DCUN1D5: variants seen among roughly 807,000 people sequenced by gnomAD.
DCUN1D5 encodes DCN1-like protein 5.
In DCUN1D5, 10 loss-of-function variants were observed where a neutral mutation model predicts 38.3. The ratio of observed to expected loss-of-function variants is 0.26; its 90% CI spans 0.16 to 0.44. The LOEUF (loss-of-function observed/expected upper bound fraction) is 0.44. Ranked by LOEUF, DCUN1D5 falls within the 20% of genes least tolerant of loss-of-function variation. The pLI, the probability that DCUN1D5 is intolerant of heterozygous loss-of-function variation, is 1.00. For missense variants in DCUN1D5, 148 were observed against 275.3 expected (o/e 0.54, Z 3.27); for synonymous variants, 93 against 90.9 (o/e 1.02, Z -0.13).
intron 4 of DCUN1D5, among the ~76,000 whole-genome samples, chr11:103,079,515 G>C (rs1342457726): frequency 6.6e-6 from 1 of 152,174 alleles, no homozygotes; most frequent in Non-Finnish European, 1.5e-5. Context: ...AGGATCACTT[G>C]AGCCCAGGAG....
chr11:103,062,458 T>C lies in DCUN1D5; in HGVS notation c.659-44A>G. On this transcript the variant is annotated intron_variant, in intron 7 of 7. Transcript: ENST00000260247. The surrounding 1 kb of genome is among the most constrained non-coding windows in gnomAD (Gnocchi z 4.6). ...TTTTTGTCAGAATTCAGTGAACTCA[T>C]CTCTCCAATTATAAAACAAACTCCC... 4 of 1,555,930 alleles carry C rather than the reference T, an allele frequency of 2.6e-6. No individual in the cohort carries two copies. The highest frequency in any genetic ancestry group is 3.5e-6 in the Non-Finnish European group (4 of 1,131,722).
In DCUN1D5 at chr11:103,077,146, GC is replaced by G. The variant is rs1171529440; in HGVS notation, c.341+5601del. ...ACCCGGGAGGCGGAGCTTGCAGTGA[GC>G]CGAGATCGCGCCACTGCACTCCAGC... On this transcript the variant is annotated intron_variant, in intron 4 of 7. Transcript: ENST00000260247. This position sits in a 1 kb window ranked among gnomAD's most constrained non-coding sequence, Gnocchi z 4.3. 6.6e-6 allele frequency among the ~76,000 whole-genome samples: 1 copy of G among 152,094 alleles called. No individual in the cohort carries two copies. Among genetic ancestry groups the G allele is most frequent in the African/African-American group, 2.4e-5 (1 of 41,414 alleles).
At chr11:103,085,605 C>T (rs537675927) in intron 2 of DCUN1D5, among the ~76,000 whole-genome samples, 4 of 152,098 alleles carry the variant, frequency 2.6e-5, no homozygotes, top group Non-Finnish European at 5.9e-5. Flanking sequence ...CTGACTTTGC[C>T]AAAGTGATGT....
chr11:103,088,972 T>TCTGG (rs1455369945), intron 2 of DCUN1D5, among the ~76,000 whole-genome samples: 1 of 77,654 alleles, frequency 1.3e-5, no homozygotes, highest in Non-Finnish European at 2.5e-5. Flanking sequence ...AATAAATGAA[T>TCTGG]CTTTGTTTAC....
rs1861794283 is a variant in DCUN1D5 at position 103,053,373 on chromosome 11, G to C, written c.*8986C>G. On this transcript the variant is annotated 3_prime_UTR_variant, in exon 8 of 8. Coordinates refer to ENST00000260247, the MANE Select transcript of DCUN1D5 (RefSeq NM_032299.4). This position sits in a 1 kb window ranked among gnomAD's most constrained non-coding sequence, Gnocchi z 4.8. ...TTGACATTACAGATTAATTTCCTAAGAGATTTGCATTTCTAAATATGTCTA... is the reference window on the plus strand; with the variant it reads ...TTGACATTACAGATTAATTTCCTAACAGATTTGCATTTCTAAATATGTCTA... 6.6e-6 allele frequency: 1 copy of C among 151,950 alleles called. No homozygotes were observed. 9.4% of individuals were successfully genotyped at this position (151,950 alleles called of 1,614,324 possible). A position where few individuals can be genotyped will look rare whatever the true frequency, so the allele number is the denominator to read the frequency against.
intron 4 of DCUN1D5, among the ~76,000 whole-genome samples, chr11:103,074,453 G>A (rs1862358339): frequency 6.6e-6 from 1 of 152,130 alleles, no homozygotes; most frequent in South Asian, 2.1e-4. Flanking sequence ...TCTGTCCCCA[G>A]GCTGGAGTGC....
rs1426485270 is a variant in DCUN1D5 at position 103,087,356 on chromosome 11, G to A, written c.178+1871C>T. On this transcript the variant is annotated intron_variant, in intron 2 of 7. Transcript: ENST00000260247. This position sits in a 1 kb window ranked among gnomAD's most constrained non-coding sequence, Gnocchi z 4.1. ...CGGCTAATTGTTTGTGTTTTTGGTA[G>A]AGAGAGTGTTTCACCATGTTAACCA... Among the ~76,000 whole-genome samples the A allele has an allele frequency of 6.6e-6, 1 of 151,918 alleles. No individual in the cohort carries two copies. The highest frequency in any genetic ancestry group is 1.5e-5 in the Non-Finnish European group (1 of 67,966).
rs540080107 is a variant in DCUN1D5 at position 103,063,863 on chromosome 11, T to C, written c.658+412A>G. 9.2e-5 allele frequency among the ~76,000 whole-genome samples: 14 copies of C among 152,296 alleles called. No individual in the cohort carries two copies. The East Asian group carries it at 2.7e-3, about 29-fold the overall frequency. ...GAAGTTATACTGACATTATTTGCCA[T>C]ATTGTTAATGGGTAGCATAATATTA... On this transcript the variant is annotated intron_variant, in intron 7 of 7. Transcript: ENST00000260247. This position sits in a 1 kb window ranked among gnomAD's most constrained non-coding sequence, Gnocchi z 4.6.
At position 103,091,963 on chromosome 11, in the gene DCUN1D5, G is replaced by A; in HGVS notation, c.-91C>T. On this transcript the variant is annotated 5_prime_UTR_variant, in exon 1 of 8. Coordinates refer to ENST00000260247, the MANE Select transcript of DCUN1D5 (RefSeq NM_032299.4). The surrounding 1 kb of genome is among the most constrained non-coding windows in gnomAD (Gnocchi z 4.3). ...CCTCAGCGCTGGCACCCAGTTCCCA[G>A]AGACAGCAGCAAGCGGAGGAGCAGA... The A allele has an allele frequency of 8.0e-7, 1 of 1,250,264 alleles. No homozygotes were observed. Among genetic ancestry groups the A allele is most frequent in the Non-Finnish European group, 1.1e-6 (1 of 907,390 alleles). 77.4% of individuals were successfully genotyped at this position (1,250,264 alleles called of 1,614,324 possible). A position where few individuals can be genotyped will look rare whatever the true frequency, so the allele number is the denominator to read the frequency against.
In DCUN1D5 at chr11:103,082,803, C is replaced by G; in HGVS notation, c.286G>C (p.Glu96Gln). 1 of 1,613,106 alleles carries G rather than the reference C, an allele frequency of 6.2e-7. No individual in the cohort carries two copies. The highest frequency in any genetic ancestry group is 2.2e-5 in the East Asian group (1 of 44,756). The change falls in exon 4 of 8, where the codon GAA becomes CAA. Residue 96 changes from glutamate to glutamine, a missense_variant. Physicochemically the swap from Glu to Gln is conservative, Grantham distance 29. Transcript: ENST00000260247. Reference protein sequence around the residue: ...MLVLAWKLEAESMGFFTKEEW... With the variant: ...MLVLAWKLEAQSMGFFTKEEW... ...TCCTTGGTAAAAAATCCCATGCTTTCAGCCTCCAATTTCCACGCTAAAACT... is the reference window on the plus strand; with the variant it reads ...TCCTTGGTAAAAAATCCCATGCTTTGAGCCTCCAATTTCCACGCTAAAACT...
chr11:103,090,511 TC>T (rs1862831064), intron 1 of DCUN1D5, among the ~76,000 whole-genome samples: 1 of 152,228 alleles, frequency 6.6e-6, no homozygotes, highest in Non-Finnish European at 1.5e-5. Flanking sequence ...TATCATTATT[TC>T]CTTCTTATAA....
chr11:103,062,206 A>T lies in DCUN1D5; in HGVS notation c.*153T>A. On this transcript the variant is annotated 3_prime_UTR_variant, in exon 8 of 8. Coordinates refer to ENST00000260247, the MANE Select transcript of DCUN1D5 (RefSeq NM_032299.4). The surrounding 1 kb of genome is among the most constrained non-coding windows in gnomAD (Gnocchi z 4.6). ...GGCTCAATGCCCATCACATGTAACA[A>T]GAAAAACCTCCTTTAAAAAAAGGAA... 2 of 682,866 alleles carry T rather than the reference A, an allele frequency of 2.9e-6. No individual in the cohort carries two copies. Among genetic ancestry groups the T allele is most frequent in the Non-Finnish European group, 2.5e-6 (1 of 402,506 alleles). The allele number at this position is 682,866 out of a possible 1,614,324, so 42.3% of individuals were successfully genotyped here.
rs940524236 is a variant in DCUN1D5 at position 103,080,136 on chromosome 11, T to C, written c.341+2612A>G. 3 of 152,214 alleles carry C rather than the reference T, an allele frequency of 2.0e-5. No homozygotes were observed. The East Asian group carries it at 5.8e-4, about 29-fold the overall frequency. The allele number at this position is 152,214 out of a possible 1,614,324, so 9.4% of individuals were successfully genotyped here. Reference sequence around the variant, plus strand: ...GTATGTTTTAAACTACCAGACTGTTTCTATTTTTTAACAGACCAACATAGT... The same window carrying C: ...GTATGTTTTAAACTACCAGACTGTTCCTATTTTTTAACAGACCAACATAGT... On this transcript the variant is annotated intron_variant, in intron 4 of 7. Coordinates refer to ENST00000260247, the MANE Select transcript of DCUN1D5 (RefSeq NM_032299.4).
At position 103,087,256 on chromosome 11, in the gene DCUN1D5, C is replaced by T. The variant is rs145955812; in HGVS notation, c.178+1971G>A. 0.014 allele frequency among the ~76,000 whole-genome samples: 2,048 copies of T among 151,520 alleles called. 43 individuals carry two copies. Among genetic ancestry groups the T allele is most frequent in the African/African-American group, 0.046 (1,887 of 41,252 alleles). ...TGTTATCTCGGCTCACTGTGAGCTCCGCCTCCTGGGTTCACGCCATTCTCC... is the reference window on the plus strand; with the variant it reads ...TGTTATCTCGGCTCACTGTGAGCTCTGCCTCCTGGGTTCACGCCATTCTCC... On this transcript the variant is annotated intron_variant, in intron 2 of 7. Coordinates refer to ENST00000260247, the MANE Select transcript of DCUN1D5 (RefSeq NM_032299.4). This position sits in a 1 kb window ranked among gnomAD's most constrained non-coding sequence, Gnocchi z 4.1.
In DCUN1D5 at chr11:103,052,138, T is replaced by G. The variant is rs1861755891; in HGVS notation, c.*10221A>C. ...TGCTCCAGTACTACTTAAACGTAAG[T>G]TTTATTCAGTTCTGCAAATGCTTTT... is the stretch of plus-strand genomic sequence containing the variant. On this transcript the variant is annotated 3_prime_UTR_variant, in exon 8 of 8. Coordinates refer to ENST00000260247, the MANE Select transcript of DCUN1D5 (RefSeq NM_032299.4). The G allele has an allele frequency of 6.6e-6, 1 of 152,200 alleles. No individual in the cohort carries two copies. Among genetic ancestry groups the G allele is most frequent in the Non-Finnish European group, 1.5e-5 (1 of 68,024 alleles). The allele number at this position is 152,200 out of a possible 1,614,324, so 9.4% of individuals were successfully genotyped here. A position where few individuals can be genotyped will look rare whatever the true frequency, so the allele number is the denominator to read the frequency against.
In DCUN1D5 at chr11:103,051,506, C is replaced by CCA. The variant is rs1565277046; in HGVS notation, c.*10852_*10853insTG. 2 of 19,828 alleles carry CCA rather than the reference C, an allele frequency of 1.0e-4. No homozygotes were observed. The highest frequency in any genetic ancestry group is 5.1e-4 in the Admixed American group (1 of 1,978). 1.2% of individuals were successfully genotyped at this position (19,828 alleles called of 1,614,324 possible). A position where few individuals can be genotyped will look rare whatever the true frequency, so the allele number is the denominator to read the frequency against. On this transcript the variant is annotated 3_prime_UTR_variant, in exon 8 of 8. Transcript: ENST00000260247. Reference sequence around the variant, plus strand: ...GGTGGCTTCACATATTTACTTCCCCCCCCCCCCCGCCACCCCTGTGTTAAC... The same window carrying CCA: ...GGTGGCTTCACATATTTACTTCCCCCCACCCCCCCCGCCACCCCTGTGTTAAC...
At position 103,058,965 on chromosome 11, in the gene DCUN1D5, C is replaced by CTT. The variant is rs56096955; in HGVS notation, c.*3392_*3393dup. On this transcript the variant is annotated 3_prime_UTR_variant, in exon 8 of 8. Coordinates refer to ENST00000260247, the MANE Select transcript of DCUN1D5 (RefSeq NM_032299.4). ...TAACAAAGAAAGGCATTTAGTTTTC[C>CTT]TTTTTTTTTTTTATTAAAATGCCCT... Among the ~76,000 whole-genome samples the CTT allele has an allele frequency of 4.9e-5, 7 of 143,376 alleles. No homozygotes were observed. Among genetic ancestry groups the CTT allele is most frequent in the Admixed American group, 1.4e-4 (2 of 14,328 alleles). 94.1% of individuals were successfully genotyped at this position (143,376 alleles called of 152,430 possible). A position where few individuals can be genotyped will look rare whatever the true frequency, so the allele number is the denominator to read the frequency against.
chr11:103,083,618 TA>T lies in DCUN1D5; in HGVS notation c.179-293del, dbSNP rs879471154. On this transcript the variant is annotated intron_variant, in intron 2 of 7. Coordinates refer to ENST00000260247, the MANE Select transcript of DCUN1D5 (RefSeq NM_032299.4). The surrounding 1 kb of genome is among the most constrained non-coding windows in gnomAD (Gnocchi z 4.4). The stretch of plus-strand genomic sequence containing the variant: ...AGTACAAAAACTCAAACCAATCCAT[TA>T]AAAAAAAAATTCACTGAGAGCCTAC... Among the ~76,000 whole-genome samples, 270 of 148,764 alleles carry T rather than the reference TA, an allele frequency of 1.8e-3. 1 individual carries two copies. The highest frequency in any genetic ancestry group is 6.2e-3 in the African/African-American group (255 of 40,830).
At chr11:103,089,613 G>A (rs1364136642) in intron 1 of DCUN1D5, among the ~76,000 whole-genome samples, 1 of 152,004 alleles carries the variant, frequency 6.6e-6, no homozygotes, top group Non-Finnish European at 1.5e-5. Flanking sequence ...CAACCTAGTA[G>A]GTGGGAAAGT....
Sources: gnomAD v4.1 joint callset for allele counts (sites outside exome capture counted in the v4.1 genomes callset) on GRCh38, gnomAD v4.1.1 for gene constraint, Gnocchi (gnomAD v3.1) non-coding constraint, MANE v1.5 for transcripts, NCBI Gene and HGNC (gene_info 2026-07-23, HGNC 2026-07-21) for gene names.